Variants in EYS observed in about 807,000 individuals in gnomAD.
EYS encodes EGF-like photoreceptor maintenance factor, also known as protein eyes shut homolog.
Under a neutral mutation model 282.1 loss-of-function variants are expected in EYS, and 250 were observed. The observed-to-expected ratio is 0.89, with a 90% CI of 0.80 to 0.98. EYS has a LOEUF of 0.98. Ranked by LOEUF, EYS falls within the 50% of genes least tolerant of loss-of-function variation. The pLI is 0.00. For synonymous variants in EYS, 1,355 were observed against 1,282.9 expected (o/e 1.06, Z -1.20); for missense variants, 4,016 against 3,709.0 (o/e 1.08, Z -2.15).
At chr6:64,024,187 C>T (rs923971452) in intron 33 of EYS, among the ~76,000 whole-genome samples, 13 of 152,338 alleles carry the variant, frequency 8.5e-5, no homozygotes, top group African/African-American at 2.9e-4. Flanking sequence ...TGGGTGAAGC[C>T]AGCGGGGCTC....
chr6:65,567,628 T>A (rs940306660), intron 2 of EYS, among the ~76,000 whole-genome samples: 1 of 152,130 alleles, frequency 6.6e-6, no homozygotes, highest in South Asian at 2.1e-4. Context: ...TATTTTATTT[T>A]TCATATTTGC....
intron 31 of EYS, among the ~76,000 whole-genome samples, chr6:64,138,729 G>A (rs1363892193): frequency 6.6e-6 from 1 of 152,174 alleles, no homozygotes; most frequent in Non-Finnish European, 1.5e-5. Flanking sequence ...GCACTGAGCA[G>A]CCTGCTTGTA....
chr6:64,349,645 A>T (rs76556729), intron 29 of EYS, among the ~76,000 whole-genome samples: 34 of 149,186 alleles, frequency 2.3e-4, no homozygotes, highest in African/African-American at 8.0e-4. Flanking sequence ...AAAATAAAGG[A>T]ATGTTATTTA....
At chr6:64,978,435 C>T (rs1002837313) in intron 14 of EYS, among the ~76,000 whole-genome samples, 2 of 151,876 alleles carry the variant, frequency 1.3e-5, no homozygotes, top group African/African-American at 2.4e-5. Context: ...TATTACTGTG[C>T]TTTGACAATA....
intron 31 of EYS, among the ~76,000 whole-genome samples, chr6:64,093,362 G>A (rs187414147): frequency 1.3e-5 from 2 of 151,942 alleles, no homozygotes; most frequent in Admixed American, 6.6e-5. Flanking sequence ...CCATTTTCAC[G>A]ACATTGATTC....
chr6:64,835,646 G>C (rs1222037192), intron 19 of EYS, among the ~76,000 whole-genome samples: 1 of 151,626 alleles, frequency 6.6e-6, no homozygotes, highest in Middle Eastern at 3.2e-3. Context: ...ATAGCCACAG[G>C]ATAATATACA....
At chr6:64,327,047 CGGA>C (rs1430449865) in intron 29 of EYS, among the ~76,000 whole-genome samples, 1 of 151,958 alleles carries the variant, frequency 6.6e-6, no homozygotes, top group Non-Finnish European at 1.5e-5. Flanking sequence ...GTTTCAGGGA[CGGA>C]GGAGGTGTGT....
At chr6:65,065,014 C>T (rs1253352965) in intron 12 of EYS, among the ~76,000 whole-genome samples, 1 of 152,068 alleles carries the variant, frequency 6.6e-6, no homozygotes, top group African/African-American at 2.4e-5. Context: ...ATGGAAGTGG[C>T]AGGCTGACTT....
At chr6:64,446,322 T>C (rs1775115694) in intron 26 of EYS, among the ~76,000 whole-genome samples, 1 of 152,170 alleles carries the variant, frequency 6.6e-6, no homozygotes, top group Non-Finnish European at 1.5e-5. Context: ...CTTCCCTCTC[T>C]ACTGCAACAG....
At chr6:65,513,581 G>C (rs1322188356) in intron 2 of EYS, among the ~76,000 whole-genome samples, 3 of 152,116 alleles carry the variant, frequency 2.0e-5, no homozygotes. Context: ...ACATCAAAAA[G>C]CTTATCCACC....
intron 7 of EYS, among the ~76,000 whole-genome samples, chr6:65,398,383 C>T (rs527770610): frequency 2.6e-5 from 4 of 151,860 alleles, no homozygotes; most frequent in Non-Finnish European, 5.9e-5. Context: ...AAAGAACATC[C>T]TATTCAATAA....
At chr6:64,033,802 A>G (rs1238359279) in intron 33 of EYS, among the ~76,000 whole-genome samples, 1 of 150,652 alleles carries the variant, frequency 6.6e-6, no homozygotes, top group Non-Finnish European at 1.5e-5. Context: ...AATTGTTGCA[A>G]AGTAATTCTG....
chr6:65,527,408 G>C (rs775508438), intron 2 of EYS, among the ~76,000 whole-genome samples: 4 of 152,178 alleles, frequency 2.6e-5, no homozygotes, highest in African/African-American at 9.7e-5. Flanking sequence ...ACACAGGACA[G>C]CCCAGTAACA....
At chr6:65,645,363 A>G (rs1271576529) in intron 1 of EYS, among the ~76,000 whole-genome samples, 1 of 152,218 alleles carries the variant, frequency 6.6e-6, no homozygotes, top group African/African-American at 2.4e-5. Flanking sequence ...ATAAAACTAG[A>G]AATCAACTCC....
rs937282656 is a variant in EYS, at chr6:65,256,039, C to G, written c.2023+39824G>C. ...AAAAATCAATATATCAGAGTGATAT[C>G]TGCATTCCCGTGCTGCTTGCAGCAC... On this transcript the variant is annotated intron_variant, in intron 12 of 42. Transcript: ENST00000503581. Among the ~76,000 whole-genome samples the G allele has an allele frequency of 2.2e-4, 34 of 152,120 alleles. 2 individuals carry two copies. The highest frequency in any genetic ancestry group is 2.2e-3 in the Admixed American group (33 of 15,252).
intron 36 of EYS, among the ~76,000 whole-genome samples, chr6:63,846,149 C>A (rs1408446520): frequency 6.6e-6 from 1 of 152,256 alleles, no homozygotes; most frequent in East Asian, 1.9e-4. Flanking sequence ...ACATAGACAT[C>A]AAACTTAAAA....
At chr6:65,306,275 T>C (rs989804085) in intron 11 of EYS, among the ~76,000 whole-genome samples, 1 of 152,174 alleles carries the variant, frequency 6.6e-6, no homozygotes. Flanking sequence ...CGTAGCCTTG[T>C]TGGGAATATG....
Position 64,771,267 on chromosome 6 carries a change from C to T in EYS, c.3443+42111G>A, listed in dbSNP as rs556174924. Among the ~76,000 whole-genome samples the T allele has an allele frequency of 3.3e-5, 5 of 151,640 alleles. No homozygotes were observed. The South Asian group carries it at 1.0e-3, about 31-fold the overall frequency. On this transcript the variant is annotated intron_variant, in intron 22 of 42. Transcript: ENST00000503581. ...TCTTATTCCTAGTATTTGTGATTCT[C>T]CTCTTTCTGAATTGCCAAATATTTG...
chr6:65,010,300 A>T (rs1271442977), intron 13 of EYS, among the ~76,000 whole-genome samples: 1 of 152,150 alleles, frequency 6.6e-6, no homozygotes, highest in African/African-American at 2.4e-5. Context: ...TAATACAGGG[A>T]TCTTACTGTG....
Sources: gnomAD v4.1 joint callset for allele counts (sites outside exome capture counted in the v4.1 genomes callset) on GRCh38, gnomAD v4.1.1 for gene constraint, MANE v1.5 for transcripts, NCBI Gene and HGNC (gene_info 2026-07-23, HGNC 2026-07-21) for gene names.